Variants in MCF2L observed in about 807,000 individuals in gnomAD.
The protein encoded by MCF2L is MCF.2 cell line derived transforming sequence like.
In MCF2L, 97 loss-of-function variants were observed where a neutral mutation model predicts 153.4. The ratio of observed to expected loss-of-function variants is 0.63; its 90% CI spans 0.54 to 0.75. MCF2L has a LOEUF of 0.75. Ranked by LOEUF, MCF2L falls within the 30% of genes least tolerant of loss-of-function variation. MCF2L has a pLI of 0.00. For synonymous variants in MCF2L, 659 were observed against 632.2 expected (o/e 1.04, Z -0.64); for missense variants, 1,347 against 1,495.2 (o/e 0.90, Z 1.64).
intron 1 of MCF2L, among the ~76,000 whole-genome samples, chr13:112,970,018 G>T (rs1025385669): frequency 2.6e-5 from 4 of 152,166 alleles, no homozygotes; most frequent in African/African-American, 9.7e-5. Flanking sequence ...CTTCAAATAA[G>T]CTTTGAAGAG....
Position 112,902,492 on chromosome 13 carries a change from A to T in MCF2L, c.169+121A>T, listed in dbSNP as rs530118584. On this transcript the variant is annotated intron_variant, in intron 2 of 29. Transcript: ENST00000375608. ...GACAAGGTTTAGATCCTGGGAATGCATGACCCCCCAGGTAGCAGGCTGTGG... is the reference window on the plus strand; with the variant it reads ...GACAAGGTTTAGATCCTGGGAATGCTTGACCCCCCAGGTAGCAGGCTGTGG... 6 of 1,039,820 alleles carry T rather than the reference A, an allele frequency of 5.8e-6. No individual in the cohort carries two copies. In the African/African-American group the frequency reaches 8.0e-5, roughly 14 times the overall value. 64.4% of individuals were successfully genotyped at this position (1,039,820 alleles called of 1,614,324 possible). A position where few individuals can be genotyped will look rare whatever the true frequency, so the allele number is the denominator to read the frequency against.
chr13:113,073,832 T>C (rs1301171839), intron 9 of MCF2L, among the ~76,000 whole-genome samples: 1 of 151,944 alleles, frequency 6.6e-6, no homozygotes, highest in Non-Finnish European at 1.5e-5. Context: ...GGAAAATCAC[T>C]TGAACCAGAG....
intron 1 of MCF2L, among the ~76,000 whole-genome samples, chr13:112,897,972 T>TCTAGCC (rs1390807616): frequency 3.9e-5 from 6 of 152,230 alleles, no homozygotes; most frequent in East Asian, 3.9e-4. Context: ...ATGTGGCCCG[T>TCTAGCC]CCAGCCCCAG....
chr13:112,958,195 G>A (rs1454888406), intron 2 of MCF2L: 1 of 152,274 alleles, frequency 6.6e-6, no homozygotes. Context: ...CAGAGAAGCA[G>A]AACCTTAGGA....
In MCF2L at chr13:112,969,298, C is replaced by G. The variant is rs926638333; in HGVS notation, c.-82C>G. On this transcript the variant is annotated 5_prime_UTR_variant, in exon 1 of 30. Transcript: ENST00000535094. The surrounding 1 kb of genome is among the most constrained non-coding windows in gnomAD (Gnocchi z 4.8). ...CCTCCCCGCCTCCGCCGCGCCCCCT[C>G]CGCACTCGCACGGCCCCACCCGCAG... 101 of 1,528,186 alleles carry G rather than the reference C, an allele frequency of 6.6e-5. No individual in the cohort carries two copies. The highest frequency in any genetic ancestry group is 1.4e-5 in the Non-Finnish European group (16 of 1,132,728). The allele number at this position is 1,528,186 out of a possible 1,614,324, so 94.7% of individuals were successfully genotyped here.
chr13:113,033,217 A>ATGAGTGGCCCCCGTGACG lies in MCF2L; in HGVS notation c.278+8477_278+8494dup, dbSNP rs1449822229. ...CCGTGACGTGAGTGGCCCCCGTGAC[A>ATGAGTGGCCCCCGTGACG]TGAGTGGCCCCCGTGACGTGAGTGG... On this transcript the variant is annotated intron_variant, in intron 3 of 29. Coordinates refer to ENST00000535094, the MANE Select transcript of MCF2L (RefSeq NM_001112732.3). Among the ~76,000 whole-genome samples the ATGAGTGGCCCCCGTGACG allele has an allele frequency of 4.4e-4, 6 of 13,490 alleles. 2 individuals carry two copies. Among genetic ancestry groups the ATGAGTGGCCCCCGTGACG allele is most frequent in the Non-Finnish European group, 7.9e-4 (5 of 6,326 alleles). 8.8% of individuals were successfully genotyped at this position (13,490 alleles called of 152,430 possible).
chr13:113,070,092 C>T lies in MCF2L; in HGVS notation c.915C>T (p.Ala305=). Residue 305 remains alanine, a synonymous_variant, in exon 9 of 30, where the codon GCC becomes GCT. Transcript: ENST00000535094. This position sits in a 1 kb window ranked among gnomAD's most constrained non-coding sequence, Gnocchi z 5.6. ...LLAQLNETEA[A]FDEFWAKHQQ... ...CCCAGCTGAACGAAACCGAGGCTGC[C>T]TTCGATGAGTTCTGGGCAAAGCATC... is the stretch of plus-strand genomic sequence containing the variant. 1 of 1,610,014 alleles carries T rather than the reference C, an allele frequency of 6.2e-7. No individual in the cohort carries two copies. Among genetic ancestry groups the T allele is most frequent in the Non-Finnish European group, 8.5e-7 (1 of 1,178,646 alleles).
At chr13:112,954,632 C>T (rs1004967596) in intron 2 of MCF2L, among the ~76,000 whole-genome samples, 10 of 152,112 alleles carry the variant, frequency 6.6e-5, no homozygotes, top group South Asian at 2.1e-4. Context: ...GACTGGCTCC[C>T]GAGGGGGCAT....
In MCF2L at chr13:112,984,768, A is replaced by C. The variant is rs534410147; in HGVS notation, c.79+15310A>C. 9.2e-5 allele frequency among the ~76,000 whole-genome samples: 14 copies of C among 152,236 alleles called. No homozygotes were observed. In the East Asian group the frequency reaches 1.5e-3, roughly 17 times the overall value. ...GGGAGGAACCAATCCCTCAGCAATC[A>C]CACTTGACTCCCTCGAAGGAAAGCT... On this transcript the variant is annotated intron_variant, in intron 1 of 29. Transcript: ENST00000535094.
At chr13:113,036,863 T>A (rs964484278) in intron 3 of MCF2L, among the ~76,000 whole-genome samples, 1 of 152,240 alleles carries the variant, frequency 6.6e-6, no homozygotes, top group Non-Finnish European at 1.5e-5. Context: ...AGATACCAAG[T>A]GGAACTTTTA....
At chr13:113,055,527 C>T (rs1256780753) in intron 4 of MCF2L, among the ~76,000 whole-genome samples, 1 of 151,852 alleles carries the variant, frequency 6.6e-6, no homozygotes, top group Non-Finnish European at 1.5e-5. Flanking sequence ...CGTAGAAGAG[C>T]GTGATTCATC....
chr13:112,941,317 A>T lies in MCF2L; in HGVS notation c.169+38946A>T, dbSNP rs1047555943. 4.7e-5 allele frequency among the ~76,000 whole-genome samples: 7 copies of T among 149,038 alleles called. No homozygotes were observed. The highest frequency in any genetic ancestry group is 7.4e-5 in the Non-Finnish European group (5 of 67,448). On this transcript the variant is annotated intron_variant, in intron 2 of 29. Coordinates refer to the MCF2L transcript ENST00000375608. This position sits in a 1 kb window ranked among gnomAD's most constrained non-coding sequence, Gnocchi z 4.9. ...GGAAGCCCATAAGCCATATATATATATTTCATATTATATATTATATATAAT... is the reference window on the plus strand; with the variant it reads ...GGAAGCCCATAAGCCATATATATATTTTTCATATTATATATTATATATAAT...
chr13:113,061,422 C>T (rs931114416), intron 5 of MCF2L, among the ~76,000 whole-genome samples: 3 of 152,164 alleles, frequency 2.0e-5, no homozygotes, highest in Non-Finnish European at 4.4e-5. Context: ...CACATCTTCT[C>T]TGCCACAAAG....
intron 2 of MCF2L, chr13:112,917,487 C>G (rs560730301): frequency 6.5e-6 from 2 of 308,668 alleles, no homozygotes; most frequent in Non-Finnish European, 1.3e-5. Context: ...CCCTCCCCAC[C>G]GCCGTCTCGC....
At chr13:113,086,335 C>T in intron 21 of MCF2L, 86 bp downstream of exon 21, 2 of 1,557,450 alleles carry the variant, frequency 1.3e-6, no homozygotes, top group South Asian at 1.2e-5. Flanking sequence ...GCACACGCCC[C>T]TCGCTTTGGT....
Position 113,098,569 on chromosome 13 carries a change from G to A in MCF2L, c.*1710G>A, listed in dbSNP as rs1278116557. 1 of 152,274 alleles carries A rather than the reference G, an allele frequency of 6.6e-6. No homozygotes were observed. Among genetic ancestry groups the A allele is most frequent in the African/African-American group, 2.4e-5 (1 of 41,458 alleles). The allele number at this position is 152,274 out of a possible 1,614,324, so 9.4% of individuals were successfully genotyped here. On this transcript the variant is annotated 3_prime_UTR_variant, in exon 30 of 30. Transcript: ENST00000535094. ...CCTGCCATCTGCCTTTGTCTGTCAAGACACAGAACGTCTCAGCAGTCGGGG... is the reference window on the plus strand; with the variant it reads ...CCTGCCATCTGCCTTTGTCTGTCAAAACACAGAACGTCTCAGCAGTCGGGG...
At chr13:113,043,908 G>A (rs575276675) in intron 3 of MCF2L, 1 of 153,112 alleles carries the variant, frequency 6.5e-6, no homozygotes, top group African/African-American at 2.4e-5. Context: ...ATGTTACCCA[G>A]GCTGATCTCG....
At chr13:112,968,565 C>A, upstream of MCF2L, 1 of 1,543,792 alleles carries the variant, frequency 6.5e-7, no homozygotes, top group South Asian at 1.2e-5. Context: ...GCTGGTCCAT[C>A]CCCGGCCAGC....
Position 113,014,839 on chromosome 13 carries a change from C to T in MCF2L, c.156C>T (p.Tyr52=), listed in dbSNP as rs771110974. Residue 52 remains tyrosine (Y), a synonymous_variant, in exon 2 of 30, where the codon TAC becomes TAT. Transcript: ENST00000535094. ...ACCAGCTAAAGAAGCGCTTTGCTTA[C>T]CTGTCCGGTGAGTTCCAGAAGCTGG... is the stretch of plus-strand genomic sequence containing the variant. The part of the protein sequence containing the change: ...IQDQLKKRFA[Y]LSGGRGQDGS... The T allele has an allele frequency of 1.9e-6, 3 of 1,613,842 alleles. No homozygotes were observed. Among genetic ancestry groups the T allele is most frequent in the African/African-American group, 2.7e-5 (2 of 74,956 alleles).
Sources: allele counts gnomAD v4.1 joint callset (sites outside exome capture counted in the v4.1 genomes callset), GRCh38; gene constraint gnomAD v4.1.1; non-coding constraint Gnocchi (gnomAD v3.1); transcripts MANE v1.5; gene names NCBI Gene and HGNC (gene_info 2026-07-23, HGNC 2026-07-21).